Variants in MIA2 observed in about 807,000 individuals in gnomAD.
The protein encoded by MIA2 is melanoma inhibitory activity protein 2.
MIA2 carries 127 observed loss-of-function variants against 167.8 expected under a neutral mutation model. The ratio of observed to expected loss-of-function variants is 0.76; its 90% confidence interval spans 0.66 to 0.88. MIA2 has a LOEUF of 0.88. Ranked by LOEUF, MIA2 falls within the 40% of genes least tolerant of loss-of-function variation. The pLI is 0.00. For missense variants in MIA2, 1,690 were observed against 1,624.7 expected (o/e 1.04, Z -0.69); for synonymous variants, 552 against 541.9 (o/e 1.02, Z -0.26).
At chr14:39,316,401 C>T (rs1355682237) in intron 21 of MIA2, among the ~76,000 whole-genome samples, 3 of 152,174 alleles carry the variant, frequency 2.0e-5, no homozygotes, top group Non-Finnish European at 1.5e-5. Context: ...TGTCTTGGCT[C>T]ATGTCCTGGC....
intron 8 of MIA2, 35 bp downstream of exon 8, chr14:39,279,393 G>T: frequency 6.2e-7 from 1 of 1,606,354 alleles, no homozygotes; most frequent in South Asian, 1.1e-5. Context: ...TCTCATTGTT[G>T]TGTTGTAAAA....
At chr14:39,266,716 T>C (rs1233364999) in intron 6 of MIA2, 1 of 985,322 alleles carries the variant, frequency 1.0e-6, no homozygotes, top group Non-Finnish European at 1.2e-6. Flanking sequence ...TTCTCGGGGC[T>C]GCCGGGGTCT....
chr14:39,253,559 G>A (rs1233557522), intron 6 of MIA2: 2 of 206,154 alleles, frequency 9.7e-6, no homozygotes, highest in Non-Finnish European at 1.9e-5. Flanking sequence ...TTTACTGAAT[G>A]TAACAAGGAG....
chr14:39,385,599 T>C, intron 23 of MIA2: 2 of 809,756 alleles, frequency 2.5e-6, no homozygotes, highest in Admixed American at 3.4e-5. Context: ...TTTCTATATC[T>C]ACTTGCTGGG....
rs538746030 is a variant in MIA2, at chr14:39,376,323, A to G, written c.2249-10562A>G. 4.6e-5 allele frequency among the ~76,000 whole-genome samples: 7 copies of G among 152,346 alleles called. No homozygotes were observed. In the East Asian group the frequency reaches 1.2e-3, roughly 25 times the overall value. Reference sequence around the variant, plus strand: ...AAGTTGATTTCTAAACGATTTTTCAATATTGAAATTAAATGAGTTTAACAT... The same window carrying G: ...AAGTTGATTTCTAAACGATTTTTCAGTATTGAAATTAAATGAGTTTAACAT... On this transcript the variant is annotated intron_variant, in intron 23 of 23. Coordinates refer to the MIA2 transcript ENST00000341502.
rs75536254 is a variant in MIA2, at chr14:39,296,121, A to G, written c.2496+1092A>G. Among the ~76,000 whole-genome samples, 7 of 151,380 alleles carry G rather than the reference A, an allele frequency of 4.6e-5. No homozygotes were observed. The East Asian group carries it at 1.4e-3, about 29-fold the overall frequency. ...GTTCTGTGTCCTAAGATTTCACTTC[A>G]CCCCCATCCTAAAGGTTCCTCTTGT... is the stretch of plus-strand genomic sequence containing the variant. On this transcript the variant is annotated intron_variant, in intron 13 of 28. Coordinates refer to ENST00000640607, the MANE Select transcript of MIA2 (RefSeq NM_001329214.4).
At chr14:39,254,218 C>G (rs1319411876) in intron 6 of MIA2, among the ~76,000 whole-genome samples, 1 of 151,970 alleles carries the variant, frequency 6.6e-6, no homozygotes, top group Non-Finnish European at 1.5e-5. Context: ...GATAGGCATT[C>G]TAGGTTGAGA....
Position 39,315,775 on chromosome 14 carries a change from A to G in MIA2, c.3216+57A>G, listed in dbSNP as rs907981384. The G allele has an allele frequency of 4.3e-6, 5 of 1,167,816 alleles. No homozygotes were observed. In the African/African-American group the frequency reaches 6.2e-5, roughly 15 times the overall value. The allele number at this position is 1,167,816 out of a possible 1,614,324, so 72.3% of individuals were successfully genotyped here. ...TCAAATTGTATGTTTTTTTCAGAAG[A>G]TACGTTGTTTATTTAAATTAGATGA... is the stretch of plus-strand genomic sequence containing the variant. On this transcript the variant is annotated intron_variant, in intron 21 of 28. Coordinates refer to ENST00000640607, the MANE Select transcript of MIA2 (RefSeq NM_001329214.4).
exon 24 of MIA2, chr14:39,387,439 GA>G (rs1459162496): frequency 6.6e-6 from 1 of 152,644 alleles, no homozygotes; most frequent in Non-Finnish European, 1.5e-5. Flanking sequence ...ACTAGAATCA[GA>G]AGTGGAGCCT....
intron 6 of MIA2, chr14:39,265,404 A>C (rs1305430538): frequency 6.2e-7 from 1 of 1,611,120 alleles, no homozygotes; most frequent in Non-Finnish European, 8.5e-7. Flanking sequence ...AATGGAATTG[A>C]AAAGTCCAGA....
intron 25 of MIA2, among the ~76,000 whole-genome samples, chr14:39,333,507 C>T (rs966409587): frequency 1.3e-5 from 2 of 152,170 alleles, no homozygotes; most frequent in African/African-American, 2.4e-5. Flanking sequence ...TCTAGGATAT[C>T]CCAATCCCAT....
intron 25 of MIA2, among the ~76,000 whole-genome samples, chr14:39,345,234 T>A (rs1161216686): frequency 6.6e-6 from 1 of 151,966 alleles, no homozygotes; most frequent in Non-Finnish European, 1.5e-5. Context: ...CTACCATGCC[T>A]GGCTAATTTT....
chr14:39,333,687 C>T (rs929351441), intron 25 of MIA2, among the ~76,000 whole-genome samples: 5 of 152,174 alleles, frequency 3.3e-5, no homozygotes, highest in African/African-American at 1.2e-4. Context: ...GCTCTCTCTT[C>T]TTTTCTAAGT....
intron 3 of MIA2, among the ~76,000 whole-genome samples, chr14:39,244,971 G>T (rs967444956): frequency 1.3e-5 from 2 of 151,544 alleles, no homozygotes; most frequent in African/African-American, 2.4e-5. Flanking sequence ...AGAGACAGGG[G>T]TTCTCCATGT....
chr14:39,309,083 C>G (rs1355621284), intron 18 of MIA2, among the ~76,000 whole-genome samples: 1 of 152,170 alleles, frequency 6.6e-6, no homozygotes, highest in African/African-American at 2.4e-5. Context: ...GTCATTAAAT[C>G]CTGTCAGCTT....
At position 39,247,135 on chromosome 14, in the gene MIA2, C is replaced by T. The variant is rs35564472; in HGVS notation, c.561C>T (p.Ile187=). 25 of 1,613,726 alleles carry T rather than the reference C, an allele frequency of 1.5e-5. No individual in the cohort carries two copies. Among genetic ancestry groups the T allele is most frequent in the East Asian group, 6.7e-5 (3 of 44,872 alleles). Residue 187 remains isoleucine, a synonymous_variant, in exon 4 of 29, where the codon ATC becomes ATT. Coordinates refer to ENST00000640607, the MANE Select transcript of MIA2 (RefSeq NM_001329214.4). The stretch of plus-strand genomic sequence containing the variant: ...CAGCATTAGAGGCTCCTGAAGATAT[C>T]GGAAGTACCAGTGAATCAAAAGACT... ...QVPALEAPED[I]GSTSESKDWE...
At chr14:39,266,383 G>A in intron 6 of MIA2, 1 of 985,340 alleles carries the variant, frequency 1.0e-6, no homozygotes, top group Non-Finnish European at 1.2e-6. Flanking sequence ...AGAAGGCAAG[G>A]TGCTACTTTT....
chr14:39,237,102 TG>T (rs767616519), intron 2 of MIA2, 47 bp downstream of exon 2: 2 of 1,594,668 alleles, frequency 1.3e-6, no homozygotes, highest in South Asian at 2.3e-5. Context: ...ATGACCAACT[TG>T]CACAAAGATT....
chr14:39,299,701 C>G (rs1378928520), intron 13 of MIA2, among the ~76,000 whole-genome samples, 163 bp from the exon 14 acceptor site: 3 of 151,956 alleles, frequency 2.0e-5, no homozygotes, highest in Admixed American at 2.0e-4. Context: ...ATGATATAAA[C>G]TAGTTGAAGA....
Sources: gnomAD v4.1 joint callset for allele counts (sites outside exome capture counted in the v4.1 genomes callset) on GRCh38, gnomAD v4.1.1 for gene constraint, MANE v1.5 for transcripts, NCBI Gene and HGNC (gene_info 2026-07-23, HGNC 2026-07-21) for gene names.